EPC2: variants seen among roughly 807,000 people sequenced by gnomAD.
EPC2 encodes the protein enhancer of polycomb homolog 2.
Under a neutral mutation model 92.1 loss-of-function variants are expected in EPC2, and 14 were observed. The observed-to-expected ratio is 0.15, with a 90% confidence interval of 0.10 to 0.24. The LOEUF is 0.24. Among genes scored for constraint, EPC2 ranks in the 10% least tolerant of loss-of-function variants. EPC2 has a pLI of 1.00. For missense variants in EPC2, 755 were observed against 971.5 expected (o/e 0.78, Z 2.96); for synonymous variants, 340 against 334.7 (o/e 1.02, Z -0.17).
intron 3 of EPC2, among the ~76,000 whole-genome samples, chr2:148,747,925 C>T (rs1683015927): frequency 6.6e-6 from 1 of 152,040 alleles, no homozygotes. Context: ...TCCAGACCTC[C>T]TTTGCCTCCC....
At chr2:148,711,038 T>C (rs1682131759) in intron 2 of EPC2, among the ~76,000 whole-genome samples, 1 of 152,186 alleles carries the variant, frequency 6.6e-6, no homozygotes, top group Non-Finnish European at 1.5e-5. Context: ...TCTTTTTAAA[T>C]AATCAGCTTT....
chr2:148,670,239 T>A (rs905868427), intron 1 of EPC2, among the ~76,000 whole-genome samples: 22 of 152,224 alleles, frequency 1.4e-4, no homozygotes, highest in African/African-American at 4.1e-4. Flanking sequence ...TGGCCTTCAT[T>A]GCCTGATGTC....
In EPC2 at chr2:148,644,915, C is replaced by T. The variant is rs1683761239; in HGVS notation, c.-103C>T. On this transcript the variant is annotated 5_prime_UTR_variant, in exon 1 of 14. Coordinates refer to ENST00000258484, the MANE Select transcript of EPC2 (RefSeq NM_015630.4). ...AGGAGGAGGAGGAGCGGGCCGGCCG[C>T]GCTGCACTGAGGAAGGAGGTGGAGG... 1 of 1,036,894 alleles carries T rather than the reference C, an allele frequency of 9.6e-7. No homozygotes were observed. Among genetic ancestry groups the T allele is most frequent in the Non-Finnish European group, 1.4e-6 (1 of 702,526 alleles). The allele number at this position is 1,036,894 out of a possible 1,614,324, so 64.2% of individuals were successfully genotyped here. A position where few individuals can be genotyped will look rare whatever the true frequency, so the allele number is the denominator to read the frequency against.
chr2:148,676,384 G>C (rs1429897754), intron 1 of EPC2, among the ~76,000 whole-genome samples: 3 of 151,738 alleles, frequency 2.0e-5, no homozygotes, highest in African/African-American at 7.3e-5. Context: ...GTGATTTTGT[G>C]TATCTTGGTG....
chr2:148,687,959 T>C (rs1681563259), intron 1 of EPC2, among the ~76,000 whole-genome samples: 1 of 152,198 alleles, frequency 6.6e-6, no homozygotes, highest in Admixed American at 6.5e-5. Flanking sequence ...GTATTTTGCA[T>C]AGAATGGACC....
chr2:148,781,859 G>A, intron 11 of EPC2, 79 bp downstream of exon 11: 6 of 1,543,622 alleles, frequency 3.9e-6, no homozygotes, highest in Non-Finnish European at 4.4e-6. Flanking sequence ...TCAAGTCACA[G>A]AAGATAATCT....
intron 2 of EPC2, among the ~76,000 whole-genome samples, chr2:148,708,415 A>G (rs536676930): frequency 7.9e-5 from 12 of 152,358 alleles, no homozygotes; most frequent in Admixed American, 6.5e-5. Context: ...TACCAGAGGT[A>G]TGAAGAGGAG....
chr2:148,756,867 T>G (rs1159238410), intron 4 of EPC2, among the ~76,000 whole-genome samples: 1 of 152,214 alleles, frequency 6.6e-6, no homozygotes, highest in African/African-American at 2.4e-5. Flanking sequence ...GATGTACAGT[T>G]TATTCTATAG....
At chr2:148,785,928 G>T (rs1258357684) in intron 13 of EPC2, among the ~76,000 whole-genome samples, 2 of 151,870 alleles carry the variant, frequency 1.3e-5, no homozygotes, top group African/African-American at 2.4e-5. Flanking sequence ...AGTAATTTCA[G>T]TAATATTGTG....
At chr2:148,755,200 C>T (rs1045155188) in intron 4 of EPC2, among the ~76,000 whole-genome samples, 2 of 151,306 alleles carry the variant, frequency 1.3e-5, no homozygotes, top group African/African-American at 2.4e-5. Flanking sequence ...AGATGACATT[C>T]CCTAACCCAG....
At chr2:148,766,590 T>G (rs2105427300) in intron 7 of EPC2, among the ~76,000 whole-genome samples, 1 of 152,082 alleles carries the variant, frequency 6.6e-6, no homozygotes, top group Admixed American at 6.5e-5. Context: ...TACAAAAGAG[T>G]AATTTTCCAG....
rs577148336 is a variant in EPC2 at position 148,767,658 on chromosome 2, A to G, written c.1141-1493A>G. ...ACAAGGAATAGGGAGCCTTAAGAGA[A>G]CAAACATTTTAACCAGACTTATGCC... On this transcript the variant is annotated intron_variant, in intron 7 of 13. Coordinates refer to ENST00000258484, the MANE Select transcript of EPC2 (RefSeq NM_015630.4). 2.7e-4 allele frequency among the ~76,000 whole-genome samples: 41 copies of G among 152,322 alleles called. No individual in the cohort carries two copies. In the South Asian group the frequency reaches 8.5e-3, roughly 32 times the overall value.
chr2:148,764,029 T>C (rs1196857428), intron 6 of EPC2, among the ~76,000 whole-genome samples: 1 of 152,240 alleles, frequency 6.6e-6, no homozygotes, highest in East Asian at 1.9e-4. Context: ...TACTTTGTCA[T>C]GTATCCCACT....
At chr2:148,706,488 T>TA (rs1383429820) in intron 2 of EPC2, among the ~76,000 whole-genome samples, 1 of 151,826 alleles carries the variant, frequency 6.6e-6, no homozygotes, top group Admixed American at 6.6e-5. Context: ...ATTCAGGAAA[T>TA]ACAGAGAACA....
At chr2:148,701,241 A>G (rs1176758554) in intron 2 of EPC2, among the ~76,000 whole-genome samples, 1 of 152,182 alleles carries the variant, frequency 6.6e-6, no homozygotes, top group African/African-American at 2.4e-5. Flanking sequence ...CCTAATCTGT[A>G]TACTTTTTAT....
chr2:148,784,589 G>A (rs1387057756), intron 12 of EPC2, 79 bp from the exon 13 acceptor site: 17 of 1,085,376 alleles, frequency 1.6e-5, no homozygotes, highest in South Asian at 6.3e-5. Flanking sequence ...ACAAATGTTC[G>A]TATTTATTTT....
chr2:148,754,981 A>T (rs1683158882), intron 4 of EPC2, among the ~76,000 whole-genome samples: 1 of 152,208 alleles, frequency 6.6e-6, no homozygotes, highest in African/African-American at 2.4e-5. Flanking sequence ...AAAATAAGGA[A>T]TTATAATTGG....
At chr2:148,769,037 A>G (rs1283263753) in intron 7 of EPC2, 114 bp from the exon 8 acceptor site, 1 of 708,352 alleles carries the variant, frequency 1.4e-6, no homozygotes, top group African/African-American at 1.8e-5. Flanking sequence ...AGTACTTATG[A>G]TATGTAATAT....
intron 1 of EPC2, among the ~76,000 whole-genome samples, chr2:148,678,651 G>A (rs1369381362): frequency 6.6e-6 from 1 of 152,250 alleles, no homozygotes; most frequent in East Asian, 1.9e-4. Context: ...CGGGTGCTAA[G>A]CCCCTCATTG....
Sources: allele counts gnomAD v4.1 joint callset (sites outside exome capture counted in the v4.1 genomes callset), GRCh38; gene constraint gnomAD v4.1.1; transcripts MANE v1.5; gene names NCBI Gene and HGNC (gene_info 2026-07-23, HGNC 2026-07-21).